The following SLC7A6 variants were observed in gnomAD, a reference collection of about 807,000 sequenced individuals.
SLC7A6 encodes Y+L amino acid transporter 2.
Under a neutral mutation model 46.6 loss-of-function variants are expected in SLC7A6, and 29 were observed. The ratio of observed to expected loss-of-function variants is 0.62; its 90% CI spans 0.46 to 0.85. The LOEUF (loss-of-function observed/expected upper bound fraction) is 0.85, where lower values mean the gene tolerates loss of function less well. SLC7A6 is among the 40% of genes least tolerant of loss of function. SLC7A6 has a pLI of 0.00. For missense variants in SLC7A6, 527 were observed against 647.6 expected, an observed-to-expected ratio of 0.81 and a Z score of 2.02; for synonymous variants, 276 against 257.3, an observed-to-expected ratio of 1.07 and a Z score of -0.70.
At position 68,285,687 on chromosome 16, in the gene SLC7A6, C is replaced by T. The variant is rs1325007190; in HGVS notation, c.524-2059C>T. On this transcript the variant is annotated intron_variant, in intron 3 of 10. Coordinates refer to ENST00000219343, the MANE Select transcript of SLC7A6 (RefSeq NM_003983.6). ...CTCTCCATTTGAATGGAAGAATATCCAACTTTCTGACAATTTGCCTTGCTC... is the reference window on the plus strand; with the variant it reads ...CTCTCCATTTGAATGGAAGAATATCTAACTTTCTGACAATTTGCCTTGCTC... Among the ~76,000 whole-genome samples the T allele has an allele frequency of 2.0e-5, 3 of 152,176 alleles. No individual in the cohort carries two copies. The East Asian group carries it at 5.8e-4, about 29-fold the overall frequency.
In SLC7A6 at chr16:68,298,963, GGGAATAACCTT is replaced by G. The variant is rs2043221717; in HGVS notation, c.*1638_*1648del. 1 of 152,650 alleles carries G rather than the reference GGGAATAACCTT, an allele frequency of 6.6e-6. No individual in the cohort carries two copies. The allele number at this position is 152,650 out of a possible 1,614,324, so 9.5% of individuals were successfully genotyped here. On this transcript the variant is annotated 3_prime_UTR_variant, in exon 11 of 11. Transcript: ENST00000219343. ...TTCTTCTCCACCCAGTCACAGATAA[GGGAATAACCTT>G]GGCCATATATTTGCTCAATAAAGAT...
chr16:68,286,766 C>T (rs755117609), intron 3 of SLC7A6, among the ~76,000 whole-genome samples: 12 of 151,950 alleles, frequency 7.9e-5, no homozygotes, highest in Admixed American at 5.2e-4. Flanking sequence ...CGAGTGGGTG[C>T]GCTTCTCCAT....
Position 68,275,116 on chromosome 16 carries a change from C to G in SLC7A6, c.390C>G (p.Val130=). ...TCATTGCCTTCATCCGCCTGTGGGTCTCACTGCTAGTTGTTGAGCCCACCG... is the reference window on the plus strand; with the variant it reads ...TCATTGCCTTCATCCGCCTGTGGGTGTCACTGCTAGTTGTTGAGCCCACCG... The part of the protein sequence containing the change: ...GGFIAFIRLW[V]SLLVVEPTGQ... Residue 130 remains valine, a synonymous_variant, in exon 3 of 11, where the codon GTC becomes GTG. Transcript: ENST00000219343. 2 of 1,614,190 alleles carry G rather than the reference C, an allele frequency of 1.2e-6. No homozygotes were observed. Among genetic ancestry groups the G allele is most frequent in the Non-Finnish European group, 1.7e-6 (2 of 1,180,040 alleles).
At position 68,264,884 on chromosome 16, in the gene SLC7A6, T is replaced by TGAGGGAGACCGGGGGTGTGTGTGGA. The variant is rs2042501446; in HGVS notation, c.-166+315_-166+339dup. On this transcript the variant is annotated intron_variant, in intron 1 of 10. Coordinates refer to ENST00000219343, the MANE Select transcript of SLC7A6 (RefSeq NM_003983.6). This position sits in a 1 kb window ranked among gnomAD's most constrained non-coding sequence, Gnocchi z 5.8. The stretch of plus-strand genomic sequence containing the variant: ...GGGTGTGCTGGCGACGCGGCGAGTG[T>TGAGGGAGACCGGGGGTGTGTGTGGA]GAGGGAGACCGGGGGTGTGTGTGGA... 2 of 151,916 alleles carry TGAGGGAGACCGGGGGTGTGTGTGGA rather than the reference T, an allele frequency of 1.3e-5. 1 individual carries two copies. The highest frequency in any genetic ancestry group is 4.1e-4 in the South Asian group (2 of 4,820). 9.4% of individuals were successfully genotyped at this position (151,916 alleles called of 1,614,324 possible). A position where few individuals can be genotyped will look rare whatever the true frequency, so the allele number is the denominator to read the frequency against.
At position 68,296,595 on chromosome 16, in the gene SLC7A6, C is replaced by T. The variant is rs761048076; in HGVS notation, c.1270-32C>T. On this transcript the variant is annotated intron_variant, in intron 9 of 10. Coordinates refer to ENST00000219343, the MANE Select transcript of SLC7A6 (RefSeq NM_003983.6). ...GCCCACGAGCTGTTTCCTCTTCCCA[C>T]GTTACTTAATCTCTCACCCCCTCTA... The T allele has an allele frequency of 8.7e-6, 14 of 1,613,616 alleles. No individual in the cohort carries two copies. In the Admixed American group the frequency reaches 1.2e-4, roughly 13 times the overall value.
In SLC7A6 at chr16:68,281,279, G is replaced by A. The variant is rs557824375; in HGVS notation, c.523+6030G>A. Among the ~76,000 whole-genome samples the A allele has an allele frequency of 7.9e-4, 121 of 152,264 alleles. 1 individual carries two copies. Among genetic ancestry groups the A allele is most frequent in the African/African-American group, 2.9e-3 (120 of 41,552 alleles). On this transcript the variant is annotated intron_variant, in intron 3 of 10. Transcript: ENST00000219343. ...TTTATTTTACCTACTAATTATCCTAGAACAGTGGTTCTCAGCCAGAGGGGA... is the reference window on the plus strand; with the variant it reads ...TTTATTTTACCTACTAATTATCCTAAAACAGTGGTTCTCAGCCAGAGGGGA...
rs928398218 is a variant in SLC7A6 at position 68,264,932 on chromosome 16, G to A, written c.-166+356G>A. Among the ~76,000 whole-genome samples the A allele has an allele frequency of 1.3e-5, 2 of 152,022 alleles. No homozygotes were observed. The highest frequency in any genetic ancestry group is 2.4e-5 in the African/African-American group (1 of 41,368). Reference sequence around the variant, plus strand: ...GGAGAGGGAAACCCCAGGTGCGAGGGTGACCGGGACGCTGAGTGCGCGGGC... The same window carrying A: ...GGAGAGGGAAACCCCAGGTGCGAGGATGACCGGGACGCTGAGTGCGCGGGC... On this transcript the variant is annotated intron_variant, in intron 1 of 10. Transcript: ENST00000219343. The surrounding 1 kb of genome is among the most constrained non-coding windows in gnomAD (Gnocchi z 5.8).
At chr16:68,266,009 C>T (rs1430584207) in intron 1 of SLC7A6, among the ~76,000 whole-genome samples, 1 of 152,038 alleles carries the variant, frequency 6.6e-6, no homozygotes, top group East Asian at 1.9e-4. Flanking sequence ...TCCTGTAATC[C>T]CAGCACTTTG....
chr16:68,287,838 A>G lies in SLC7A6; in HGVS notation c.616A>G (p.Ile206Val). ...CGCCAAGGTCGTAGCGCTCATTGCC[A>G]TCATTGTCATGGGCCTTGTTAAACT... Reference protein sequence around the residue: ...TYAKVVALIAIIVMGLVKLCQ... With the variant: ...TYAKVVALIAVIVMGLVKLCQ... The change falls in exon 4 of 11, where the codon ATC becomes GTC. Residue 206 changes from isoleucine to valine, a missense_variant. Ile to Val is a conservative substitution (Grantham distance 29, BLOSUM62 3). Transcript: ENST00000219343. The G allele has an allele frequency of 6.2e-7, 1 of 1,614,190 alleles. No individual in the cohort carries two copies. Among genetic ancestry groups the G allele is most frequent in the South Asian group, 1.1e-5 (1 of 91,084 alleles).
At chr16:68,276,578 G>A (rs937645838) in intron 3 of SLC7A6, among the ~76,000 whole-genome samples, 2 of 152,204 alleles carry the variant, frequency 1.3e-5, no homozygotes, top group Non-Finnish European at 2.9e-5. Context: ...GGGATAGTGA[G>A]GGGGAAACGG....
rs376577069 is a variant in SLC7A6, at chr16:68,276,928, G to A, written c.523+1679G>A. Among the ~76,000 whole-genome samples the A allele has an allele frequency of 1.7e-4, 26 of 151,922 alleles. No individual in the cohort carries two copies. In the East Asian group the frequency reaches 2.9e-3, roughly 17 times the overall value. On this transcript the variant is annotated intron_variant, in intron 3 of 10. Coordinates refer to ENST00000219343, the MANE Select transcript of SLC7A6 (RefSeq NM_003983.6). Reference sequence around the variant, plus strand: ...GAGGATCTCTTGAGCCCGGGAAGTCGAGGCTGCAGTGAGCTATGATCACGC... The same window carrying A: ...GAGGATCTCTTGAGCCCGGGAAGTCAAGGCTGCAGTGAGCTATGATCACGC...
At chr16:68,291,897 T>C (rs959858196) in intron 7 of SLC7A6, 92 of 499,402 alleles carry the variant, frequency 1.8e-4, no homozygotes, top group African/African-American at 1.5e-3. Flanking sequence ...TGTGTGCTGA[T>C]AGCTCATGTT....
intron 4 of SLC7A6, 55 bp downstream of exon 4, chr16:68,287,926 A>C: frequency 6.3e-7 from 1 of 1,595,334 alleles, no homozygotes; most frequent in South Asian, 1.1e-5. Context: ...CCCTGAGGAG[A>C]ACATGGCGAC....
chr16:68,284,059 C>T (rs948827260), intron 3 of SLC7A6, among the ~76,000 whole-genome samples: 6 of 152,108 alleles, frequency 3.9e-5, no homozygotes, highest in African/African-American at 1.4e-4. Flanking sequence ...GTGAGGCAAA[C>T]GAGGTGCCTG....
Position 68,299,895 on chromosome 16 carries a change from A to G in SLC7A6, c.*2567A>G, listed in dbSNP as rs2043239446. 1 of 152,240 alleles carries G rather than the reference A, an allele frequency of 6.6e-6. No homozygotes were observed. Among genetic ancestry groups the G allele is most frequent in the African/African-American group, 2.4e-5 (1 of 41,458 alleles). The allele number at this position is 152,240 out of a possible 1,614,324, so 9.4% of individuals were successfully genotyped here. ...ATTTAATCACTTCGGCAGGTTGAAC[A>G]ACTCCATGTAGATAAGAGCAAGTGT... is the stretch of plus-strand genomic sequence containing the variant. On this transcript the variant is annotated 3_prime_UTR_variant, in exon 11 of 11. Coordinates refer to ENST00000219343, the MANE Select transcript of SLC7A6 (RefSeq NM_003983.6).
intron 7 of SLC7A6, 101 bp downstream of exon 7, chr16:68,291,762 G>GTGTGTGTGTGTGTGTGT: frequency 1.1e-5 from 6 of 545,986 alleles, no homozygotes; most frequent in African/African-American, 2.2e-5. Flanking sequence ...GGGCATATAG[G>GTGTGTGTGTGTGTGTGT]GTGTGTGTGT....
At chr16:68,273,646 T>C (rs748404943) in intron 2 of SLC7A6, 2 of 152,178 alleles carry the variant, frequency 1.3e-5, no homozygotes, top group Admixed American at 6.5e-5. Context: ...TGGATGTCCT[T>C]TCTCTACCCT....
At chr16:68,280,760 A>C (rs1269170938) in intron 3 of SLC7A6, among the ~76,000 whole-genome samples, 2 of 149,236 alleles carry the variant, frequency 1.3e-5, no homozygotes, top group African/African-American at 5.0e-5. Flanking sequence ...TTTGAGACAG[A>C]GTCTTGCTCT....
At position 68,298,774 on chromosome 16, in the gene SLC7A6, T is replaced by C. The variant is rs1016950515; in HGVS notation, c.*1446T>C. 1 of 152,360 alleles carries C rather than the reference T, an allele frequency of 6.6e-6. No individual in the cohort carries two copies. The highest frequency in any genetic ancestry group is 2.1e-4 in the South Asian group (1 of 4,828). The allele number at this position is 152,360 out of a possible 1,614,324, so 9.4% of individuals were successfully genotyped here. ...AGGCCTGCTCTGGCCTAATGGATCT[T>C]ACTGTATGAGCAGGACGGCTGCATT... On this transcript the variant is annotated 3_prime_UTR_variant, in exon 11 of 11. Coordinates refer to ENST00000219343, the MANE Select transcript of SLC7A6 (RefSeq NM_003983.6).
Sources: gnomAD v4.1 joint callset for allele counts (sites outside exome capture counted in the v4.1 genomes callset) on GRCh38, gnomAD v4.1.1 for gene constraint, Gnocchi (gnomAD v3.1) non-coding constraint, MANE v1.5 for transcripts, NCBI Gene and HGNC (gene_info 2026-07-23, HGNC 2026-07-21) for gene names.